Variants in KIRREL1 observed in about 807,000 individuals in gnomAD.
KIRREL1 encodes kin of IRRE-like protein 1.
In KIRREL1, 25 loss-of-function variants were observed where a neutral mutation model predicts 83.3. The observed-to-expected ratio is 0.30, with a 90% CI of 0.22 to 0.42. The LOEUF is 0.42. KIRREL1 is among the 10% of genes least tolerant of loss of function. KIRREL1 has a pLI of 1.00. For synonymous variants in KIRREL1, 388 were observed against 410.4 expected (o/e 0.95, Z 0.66); for missense variants, 812 against 1,032.3 (o/e 0.79, Z 2.92).
intron 1 of KIRREL1, among the ~76,000 whole-genome samples, chr1:157,994,567 T>A: frequency 6.6e-6 from 1 of 150,528 alleles, no homozygotes; most frequent in East Asian, 2.0e-4. Flanking sequence ...AGGGCTGGGG[T>A]TGGGGGAGGG....
intron 1 of KIRREL1, among the ~76,000 whole-genome samples, chr1:158,034,889 ATG>A (rs1040688366): frequency 1.3e-5 from 2 of 152,194 alleles, no homozygotes; most frequent in Non-Finnish European, 2.9e-5. Flanking sequence ...CCAGATATAA[ATG>A]TGTACTTTTT....
intron 1 of KIRREL1, among the ~76,000 whole-genome samples, chr1:158,019,093 G>T (rs1659925537): frequency 6.6e-6 from 1 of 152,202 alleles, no homozygotes; most frequent in Non-Finnish European, 1.5e-5. Flanking sequence ...AGACAGAAAT[G>T]TGCTCAAGGA....
At chr1:158,044,305 G>C (rs1463435821) in intron 1 of KIRREL1, among the ~76,000 whole-genome samples, 7 of 152,186 alleles carry the variant, frequency 4.6e-5, no homozygotes, top group Non-Finnish European at 8.8e-5. Flanking sequence ...GCATCTGGGA[G>C]GGGACAGTCA....
At chr1:157,995,573 T>A (rs1659171610) in intron 1 of KIRREL1, among the ~76,000 whole-genome samples, 1 of 152,204 alleles carries the variant, frequency 6.6e-6, no homozygotes, top group South Asian at 2.1e-4. Flanking sequence ...TCTGTCCCTT[T>A]CTTACAGCCC....
intron 1 of KIRREL1, among the ~76,000 whole-genome samples, chr1:158,047,168 C>T (rs965579769): frequency 2.6e-5 from 4 of 152,212 alleles, no homozygotes; most frequent in Non-Finnish European, 4.4e-5. Flanking sequence ...GATTGTAGCA[C>T]AGCCTAAATA....
intron 3 of KIRREL1, among the ~76,000 whole-genome samples, chr1:158,078,698 A>C (rs1661757193): frequency 6.6e-6 from 1 of 150,630 alleles, no homozygotes; most frequent in East Asian, 2.0e-4. Flanking sequence ...GGGGAATAGG[A>C]CTGGAAGGAA....
intron 3 of KIRREL1, among the ~76,000 whole-genome samples, chr1:158,078,426 G>A (rs367717620): frequency 3.9e-5 from 6 of 152,186 alleles, no homozygotes; most frequent in African/African-American, 2.4e-5. Flanking sequence ...AAACAAGGCT[G>A]TGGAGACAAG....
At chr1:158,088,981 C>A (rs56105745) in intron 8 of KIRREL1, among the ~76,000 whole-genome samples, 2 of 147,620 alleles carry the variant, frequency 1.4e-5, no homozygotes, top group African/African-American at 5.0e-5. Flanking sequence ...CACCTGTGCA[C>A]GGGAAGCAGG....
Position 158,095,022 on chromosome 1 carries a change from C to A in KIRREL1, c.2176C>A (p.Pro726Thr). The A allele has an allele frequency of 6.2e-7, 1 of 1,613,936 alleles. No individual in the cohort carries two copies. Among genetic ancestry groups the A allele is most frequent in the East Asian group, 2.2e-5 (1 of 44,872 alleles). ...LERTPYEAYD[P>T]IGKYATATRF... ...GCGGACCCCATATGAGGCGTATGAC[C>A]CCATTGGCAAGTACGCCACAGCCAC... The change falls in exon 15 of 15, where the codon CCC becomes ACC. Residue 726 changes from proline (P) to threonine (T), a missense_variant. Pro to Thr is a conservative substitution (Grantham distance 38). This residue lies in a region of KIRREL1 where 334 missense variants were observed against 383.7 expected (regional missense o/e 0.87). Transcript: ENST00000359209.
In KIRREL1 at chr1:158,029,369, A is replaced by ATGTGTGTGTGTGTGTGTGTGTGTGTG. The variant is rs1218198001; in HGVS notation, c.52+35641_52+35642insTGTGTGTGTGTGTGTGTGTGTGTGTG. On this transcript the variant is annotated intron_variant, in intron 1 of 14. Coordinates refer to ENST00000359209, the MANE Select transcript of KIRREL1 (RefSeq NM_018240.7). ...TGTGTGTGTGTGTGTGTGTGTGTGC[A>ATGTGTGTGTGTGTGTGTGTGTGTGTG]CGTGCGCGCGCATGCACACATGCAT... Among the ~76,000 whole-genome samples, 145 of 145,206 alleles carry ATGTGTGTGTGTGTGTGTGTGTGTGTG rather than the reference A, an allele frequency of 1.0e-3. 1 individual carries two copies. Among genetic ancestry groups the ATGTGTGTGTGTGTGTGTGTGTGTGTG allele is most frequent in the Non-Finnish European group, 9.9e-4 (66 of 66,472 alleles).
chr1:157,994,877 A>G (rs1313869504), intron 1 of KIRREL1, among the ~76,000 whole-genome samples: 1 of 152,170 alleles, frequency 6.6e-6, no homozygotes, highest in African/African-American at 2.4e-5. Flanking sequence ...CCTCCCCCAG[A>G]TCGGCACACA....
At chr1:158,016,059 A>G (rs936137110) in intron 1 of KIRREL1, among the ~76,000 whole-genome samples, 1 of 152,222 alleles carries the variant, frequency 6.6e-6, no homozygotes, top group Non-Finnish European at 1.5e-5. Context: ...TAATCCCAGC[A>G]CTTTGGGAGG....
chr1:158,040,911 A>G (rs1015840987), intron 1 of KIRREL1, among the ~76,000 whole-genome samples: 1 of 152,104 alleles, frequency 6.6e-6, no homozygotes, highest in African/African-American at 2.4e-5. Flanking sequence ...GGAGGTTTGT[A>G]AGCAGTAAGT....
At chr1:158,070,413 G>A (rs925809753) in intron 1 of KIRREL1, among the ~76,000 whole-genome samples, 2 of 152,184 alleles carry the variant, frequency 1.3e-5, no homozygotes, top group Non-Finnish European at 2.9e-5. Context: ...GTGTCTACAA[G>A]GCATCTGCCT....
chr1:158,044,612 C>T (rs1047818197), intron 1 of KIRREL1, among the ~76,000 whole-genome samples: 2 of 152,170 alleles, frequency 1.3e-5, no homozygotes, highest in African/African-American at 4.8e-5. Context: ...GATTCTCATA[C>T]CTCAGCCTCC....
chr1:158,084,620 C>G, intron 4 of KIRREL1, 41 bp downstream of exon 4: 1 of 1,541,140 alleles, frequency 6.5e-7, no homozygotes, highest in Non-Finnish European at 8.8e-7. Context: ...CTGGGCCTAG[C>G]CCAGCTCACC....
intron 3 of KIRREL1, among the ~76,000 whole-genome samples, chr1:158,083,664 G>A (rs1301585923): frequency 6.6e-6 from 1 of 152,190 alleles, no homozygotes; most frequent in Non-Finnish European, 1.5e-5. Context: ...CCATCTGTCT[G>A]CTCCAGGGCA....
In KIRREL1 at chr1:158,089,610, G is replaced by A; in HGVS notation, c.1153G>A (p.Val385Met). The A allele has an allele frequency of 6.2e-7, 1 of 1,613,750 alleles. No individual in the cohort carries two copies. Among genetic ancestry groups the A allele is most frequent in the Non-Finnish European group, 8.5e-7 (1 of 1,179,706 alleles). The change falls in exon 9 of 15, where the codon GTG (valine) becomes ATG (methionine). Residue 385 changes from valine to methionine, a missense_variant. Val to Met is a conservative substitution (Grantham distance 21). Transcript: ENST00000359209. ...TCGAATCGGAGTGGCTGAGCGGGAG[G>A]TGCCGCTCTATGTGAACGGTGAGTG... is the stretch of plus-strand genomic sequence containing the variant. The part of the protein sequence containing the change: ...VPRIGVAERE[V>M]PLYVNGPPII...
intron 1 of KIRREL1, among the ~76,000 whole-genome samples, chr1:158,020,600 C>CAAATAAAAAAAA (rs1659978311): frequency 1.2e-5 from 1 of 83,678 alleles, no homozygotes; most frequent in Non-Finnish European, 2.1e-5. Context: ...TACAGTAAAT[C>CAAATAAAAAAAA]AAAAAAAAAA....
Sources: allele counts gnomAD v4.1 joint callset (sites outside exome capture counted in the v4.1 genomes callset), GRCh38; gene constraint gnomAD v4.1.1; regional missense constraint gnomAD v4.1.1; transcripts MANE v1.5; gene names NCBI Gene and HGNC (gene_info 2026-07-23, HGNC 2026-07-21).